The following MICU1 variants were observed in gnomAD, a reference collection of about 807,000 sequenced individuals.
MICU1 encodes the protein mitochondrial calcium uptake 1.
Under a neutral mutation model 56.8 loss-of-function variants are expected in MICU1, and 45 were observed. The observed-to-expected ratio is 0.79, with a 90% confidence interval of 0.62 to 1.02. MICU1 has a LOEUF of 1.02. Ranked by LOEUF, MICU1 falls within the 50% of genes least tolerant of loss-of-function variation. The pLI, the probability that MICU1 is intolerant of heterozygous loss-of-function variation, is 0.00. For missense variants in MICU1, 504 were observed against 587.1 expected (o/e 0.86, Z 1.46); for synonymous variants, 186 against 195.1 (o/e 0.95, Z 0.39).
At chr10:72,472,800 T>C (rs1402027200) in intron 8 of MICU1, among the ~76,000 whole-genome samples, 1 of 152,106 alleles carries the variant, frequency 6.6e-6, no homozygotes, top group Non-Finnish European at 1.5e-5. Flanking sequence ...ATATTTCTGG[T>C]CACAAAAACA....
intron 6 of MICU1, among the ~76,000 whole-genome samples, chr10:72,486,609 T>C (rs962125409): frequency 8.5e-5 from 13 of 152,176 alleles, no homozygotes; most frequent in Admixed American, 2.0e-4. Flanking sequence ...GTAGCTGAGA[T>C]TGCAGGCGTG....
At chr10:72,553,070 T>C (rs577028483) in intron 3 of MICU1, among the ~76,000 whole-genome samples, 40 of 152,228 alleles carry the variant, frequency 2.6e-4, no homozygotes, top group African/African-American at 9.1e-4. Flanking sequence ...TCTGAATAGA[T>C]TTCACAGGAG....
At chr10:72,576,372 A>G (rs1367231978) in intron 1 of MICU1, among the ~76,000 whole-genome samples, 1 of 152,226 alleles carries the variant, frequency 6.6e-6, no homozygotes, top group Non-Finnish European at 1.5e-5. Flanking sequence ...TGCTACTCCA[A>G]TGAACATAAG....
At chr10:72,547,829 A>T (rs1839934275) in intron 4 of MICU1, among the ~76,000 whole-genome samples, 1 of 152,196 alleles carries the variant, frequency 6.6e-6, no homozygotes, top group Non-Finnish European at 1.5e-5. Context: ...GCAAGGTACC[A>T]GTGTGGAAGG....
rs536522504 is a variant in MICU1, at chr10:72,566,740, T to C, written c.54A>G (p.Arg18=). The change falls in exon 2 of 12, where the codon CGA becomes CGG. Residue 18 remains arginine (R), a synonymous_variant. Coordinates refer to ENST00000361114, the MANE Select transcript of MICU1 (RefSeq NM_001195518.2). ...SALAELAVGS[R]WYHGGSQPIQ... The stretch of plus-strand genomic sequence containing the variant: ...TGGGCTGTGATCCTCCATGGTACCA[T>C]CGAGAACCCACAGCCAGTTCTGCCA... 2.0e-5 allele frequency: 33 copies of C among 1,612,626 alleles called. No homozygotes were observed. The highest frequency in any genetic ancestry group is 1.1e-4 in the East Asian group (5 of 44,840).
rs548382839 is a variant in MICU1, at chr10:72,466,833, C to T, written c.933+8267G>A. Among the ~76,000 whole-genome samples, 4 of 152,240 alleles carry T rather than the reference C, an allele frequency of 2.6e-5. No homozygotes were observed. In the East Asian group the frequency reaches 7.7e-4, roughly 29 times the overall value. ...GTTGCATCAGACAGATTTAATTCTA[C>T]CTTAGCACTTTAAAAAGATGGGTAG... is the stretch of plus-strand genomic sequence containing the variant. On this transcript the variant is annotated intron_variant, in intron 8 of 11. Transcript: ENST00000361114.
At chr10:72,452,252 T>C (rs1454755603) in intron 8 of MICU1, among the ~76,000 whole-genome samples, 1 of 152,140 alleles carries the variant, frequency 6.6e-6, no homozygotes, top group Non-Finnish European at 1.5e-5. Flanking sequence ...TGGGAGGCAA[T>C]AACAAGCCCC....
Position 72,468,214 on chromosome 10 carries a change from T to G in MICU1, c.933+6886A>C, listed in dbSNP as rs1315777230. ...GCAAGATCATGCTACAGACTGGAAT[T>G]CTATTAGATAATACCTTTTCAGTGT... On this transcript the variant is annotated intron_variant, in intron 8 of 11. Coordinates refer to ENST00000361114, the MANE Select transcript of MICU1 (RefSeq NM_001195518.2). 3.9e-5 allele frequency among the ~76,000 whole-genome samples: 6 copies of G among 152,242 alleles called. No individual in the cohort carries two copies. The East Asian group carries it at 1.2e-3, about 29-fold the overall frequency.
chr10:72,549,189 TG>T (rs1241943980), intron 4 of MICU1, among the ~76,000 whole-genome samples: 2 of 150,784 alleles, frequency 1.3e-5, no homozygotes, highest in African/African-American at 4.9e-5. Context: ...CTGTTTTTTT[TG>T]GTTTTTTTTT....
intron 4 of MICU1, among the ~76,000 whole-genome samples, chr10:72,543,851 A>G (rs1303298649): frequency 6.7e-6 from 1 of 148,378 alleles, no homozygotes; most frequent in East Asian, 1.9e-4. Context: ...CCCTGTCTCA[A>G]AAAAAAAAAA....
chr10:72,401,016 C>T (rs1469584803), intron 10 of MICU1, among the ~76,000 whole-genome samples: 1 of 151,990 alleles, frequency 6.6e-6, no homozygotes, highest in Non-Finnish European at 1.5e-5. Flanking sequence ...ACAGACTGGC[C>T]TTAAACTACT....
intron 8 of MICU1, among the ~76,000 whole-genome samples, chr10:72,432,956 T>C (rs549574920): frequency 2.8e-4 from 42 of 152,180 alleles, no homozygotes; most frequent in African/African-American, 9.6e-4. Flanking sequence ...TTCCTTTATG[T>C]TTTTTTTGAG....
intron 5 of MICU1, among the ~76,000 whole-genome samples, chr10:72,522,438 G>T (rs938273266): frequency 6.6e-6 from 1 of 152,094 alleles, no homozygotes; most frequent in African/African-American, 2.4e-5. Context: ...TGGATGTAAA[G>T]ATATTTTAAT....
At chr10:72,369,083 G>A (rs981217919) in intron 11 of MICU1, among the ~76,000 whole-genome samples, 9 of 152,004 alleles carry the variant, frequency 5.9e-5, no homozygotes, top group African/African-American at 1.2e-4. Flanking sequence ...TTTAAGACCA[G>A]CCTAGACAAT....
At chr10:72,437,633 G>A (rs997805612) in intron 8 of MICU1, among the ~76,000 whole-genome samples, 2 of 152,150 alleles carry the variant, frequency 1.3e-5, no homozygotes, top group East Asian at 3.8e-4. Flanking sequence ...ACGCACCAGT[G>A]TGCTGTATTC....
chr10:72,568,878 G>C (rs1840516476), intron 1 of MICU1, among the ~76,000 whole-genome samples: 1 of 150,042 alleles, frequency 6.7e-6, no homozygotes. Flanking sequence ...TCAGCCTCCT[G>C]GGTAGCTGGG....
intron 4 of MICU1, among the ~76,000 whole-genome samples, chr10:72,535,597 CA>C (rs545907348): frequency 1.3e-5 from 2 of 151,468 alleles, no homozygotes; most frequent in Non-Finnish European, 2.9e-5. Context: ...GCATATTGAA[CA>C]AAAAAAACTA....
At chr10:72,483,461 C>T in intron 6 of MICU1, 1 of 153,402 alleles carries the variant, frequency 6.5e-6, no homozygotes, top group Non-Finnish European at 1.5e-5. Flanking sequence ...AATGCTTCAT[C>T]CCAATGCTGC....
intron 10 of MICU1, among the ~76,000 whole-genome samples, chr10:72,377,163 A>G (rs892560788): frequency 6.6e-6 from 1 of 151,942 alleles, no homozygotes; most frequent in African/African-American, 2.4e-5. Flanking sequence ...TCTGTCCGCC[A>G]GACTGGAGTG....
Sources: gnomAD v4.1 joint callset for allele counts (sites outside exome capture counted in the v4.1 genomes callset) on GRCh38, gnomAD v4.1.1 for gene constraint, MANE v1.5 for transcripts, NCBI Gene and HGNC (gene_info 2026-07-23, HGNC 2026-07-21) for gene names.